The following CRACD variants were observed in gnomAD, a reference collection of about 807,000 sequenced individuals.
CRACD encodes the protein capping protein-inhibiting regulator of actin dynamics.
A neutral mutation model predicts 106.8 loss-of-function variants in CRACD; 56 were observed. The ratio of observed to expected loss-of-function variants is 0.52; its 90% CI spans 0.42 to 0.66. The LOEUF (loss-of-function observed/expected upper bound fraction) is 0.66. Ranked by LOEUF, CRACD falls within the 30% of genes least tolerant of loss-of-function variation. The pLI is 0.00. For synonymous variants in CRACD, 754 were observed against 670.8 expected, an observed-to-expected ratio of 1.12 and a Z score of -1.92; for missense variants, 1,730 against 1,623.2, an observed-to-expected ratio of 1.07 and a Z score of -1.13.
rs1173021427 is a variant in CRACD, at chr4:56,049,626, C to A, written c.-336+327C>A. Among the ~76,000 whole-genome samples the A allele has an allele frequency of 2.0e-5, 3 of 152,200 alleles. No homozygotes were observed. The East Asian group carries it at 5.8e-4, about 29-fold the overall frequency. ...TCTCCTCTTCCCGCGCCTCGCCATC[C>A]TGTCCCCAGGTCCCTGGCTCGGTCC... On this transcript the variant is annotated intron_variant, in intron 1 of 10. Coordinates refer to ENST00000682029, the MANE Select transcript of CRACD (RefSeq NM_001393381.1).
rs1027261277 is a variant in CRACD, at chr4:56,330,547, G to T, written c.*2743G>T. The stretch of plus-strand genomic sequence containing the variant: ...AATTTGCATATTTTAGTTGTATAAA[G>T]TTTTAATGTAAAATGTCCATTATTG... On this transcript the variant is annotated 3_prime_UTR_variant, in exon 11 of 11. Transcript: ENST00000682029. Among the ~76,000 whole-genome samples the T allele has an allele frequency of 6.6e-6, 1 of 152,090 alleles. No individual in the cohort carries two copies. The highest frequency in any genetic ancestry group is 1.5e-5 in the Non-Finnish European group (1 of 68,016).
intron 3 of CRACD, among the ~76,000 whole-genome samples, chr4:56,296,916 GTTTGT>G (rs1425076568): frequency 3.2e-5 from 4 of 123,532 alleles, no homozygotes; most frequent in African/African-American, 9.2e-5. Context: ...CTTTTTTTTT[GTTTGT>G]TTTTTTTTTT....
At chr4:56,077,572 C>A (rs763205777) in intron 1 of CRACD, among the ~76,000 whole-genome samples, 4 of 152,204 alleles carry the variant, frequency 2.6e-5, no homozygotes, top group Non-Finnish European at 5.9e-5. Context: ...GTTATGCAAA[C>A]AAATTTCTTC....
intron 3 of CRACD, among the ~76,000 whole-genome samples, chr4:56,286,990 A>T (rs745828518): frequency 2.6e-5 from 4 of 152,218 alleles, no homozygotes; most frequent in Non-Finnish European, 4.4e-5. Context: ...GCAATGACTC[A>T]TCCAGGCCTC....
chr4:56,282,194 G>T (rs1247532470), intron 3 of CRACD, among the ~76,000 whole-genome samples: 1 of 152,070 alleles, frequency 6.6e-6, no homozygotes. Context: ...AGCTGAAATG[G>T]GACTATAATT....
intron 2 of CRACD, among the ~76,000 whole-genome samples, chr4:56,214,381 T>C (rs534639088): frequency 1.3e-5 from 2 of 151,990 alleles, no homozygotes; most frequent in Admixed American, 1.3e-4. Flanking sequence ...GATCATGAGG[T>C]CAGGAGATCA....
In CRACD at chr4:56,098,836, G is replaced by A. The variant is rs371706529; in HGVS notation, c.-336+49537G>A. Among the ~76,000 whole-genome samples the A allele has an allele frequency of 2.3e-3, 352 of 152,108 alleles. 10 individuals are homozygous for A. In the South Asian group the frequency reaches 0.038, roughly 16 times the overall value. On this transcript the variant is annotated intron_variant, in intron 1 of 10. Transcript: ENST00000682029. ...CCTCCAGGTGTGCACCACCACGCCC[G>A]GCTAATTTTTGTATTTTTAGTAGAG... is the stretch of plus-strand genomic sequence containing the variant.
intron 2 of CRACD, among the ~76,000 whole-genome samples, chr4:56,188,029 A>C (rs1288979690): frequency 1.3e-5 from 2 of 152,190 alleles, no homozygotes; most frequent in Non-Finnish European, 2.9e-5. Context: ...GAAGAAGGCT[A>C]TCCTATGACT....
At chr4:56,105,203 A>G (rs1230480913) in intron 1 of CRACD, among the ~76,000 whole-genome samples, 1 of 152,180 alleles carries the variant, frequency 6.6e-6, no homozygotes, top group African/African-American at 2.4e-5. Context: ...ATTTTTAATG[A>G]AATAATGTTT....
At chr4:56,051,807 C>G (rs1027323389) in intron 1 of CRACD, among the ~76,000 whole-genome samples, 4 of 152,128 alleles carry the variant, frequency 2.6e-5, no homozygotes, top group Non-Finnish European at 5.9e-5. Context: ...CACAAGTTCT[C>G]GAGGCAGGTG....
chr4:56,141,635 CTGA>C (rs1560462476), intron 1 of CRACD, among the ~76,000 whole-genome samples: 1 of 147,694 alleles, frequency 6.8e-6, no homozygotes, highest in Non-Finnish European at 1.5e-5. Flanking sequence ...ACAAGAGATG[CTGA>C]ATATCTCATA....
At chr4:56,237,761 C>CAA (rs1206392755) in intron 2 of CRACD, among the ~76,000 whole-genome samples, 2 of 137,024 alleles carry the variant, frequency 1.5e-5, no homozygotes, top group Admixed American at 1.5e-4. Context: ...CACACACACA[C>CAA]AAACACATAC....
intron 2 of CRACD, 73 bp downstream of exon 2, chr4:56,179,503 G>C (rs1736721374): frequency 6.6e-6 from 1 of 152,188 alleles, no homozygotes; most frequent in African/African-American, 2.4e-5. Flanking sequence ...TTCATTTGTT[G>C]TAAGTGGGAT....
Position 56,328,004 on chromosome 4 carries a change from C to T in CRACD, c.*200C>T, listed in dbSNP as rs373343893. The T allele has an allele frequency of 6.1e-6, 3 of 494,078 alleles. No homozygotes were observed. Among genetic ancestry groups the T allele is most frequent in the African/African-American group, 3.9e-5 (2 of 51,814 alleles). 30.6% of individuals were successfully genotyped at this position (494,078 alleles called of 1,614,324 possible). ...TGCACAACCCTAGGTCCTGGTGCCT[C>T]GAGCTCCTCCTAGTTCTCAAGAGAA... On this transcript the variant is annotated 3_prime_UTR_variant, in exon 11 of 11. Coordinates refer to ENST00000682029, the MANE Select transcript of CRACD (RefSeq NM_001393381.1).
chr4:56,183,823 G>A (rs1381741252), intron 2 of CRACD, among the ~76,000 whole-genome samples: 2 of 152,194 alleles, frequency 1.3e-5, no homozygotes, highest in African/African-American at 4.8e-5. Context: ...GGTGTCATGT[G>A]AGCCTGGGCA....
At chr4:56,203,396 A>G (rs1737972527) in intron 2 of CRACD, among the ~76,000 whole-genome samples, 1 of 152,174 alleles carries the variant, frequency 6.6e-6, no homozygotes, top group Admixed American at 6.5e-5. Flanking sequence ...TACAGAGTTA[A>G]CCACCAGAAC....
At chr4:56,317,121 T>G (rs1745727144) in intron 8 of CRACD, among the ~76,000 whole-genome samples, 1 of 152,162 alleles carries the variant, frequency 6.6e-6, no homozygotes, top group Non-Finnish European at 1.5e-5. Flanking sequence ...ACTAGGGAAG[T>G]TTAATTCTGA....
chr4:56,063,229 T>TG (rs1042809842), intron 1 of CRACD, among the ~76,000 whole-genome samples: 1 of 152,096 alleles, frequency 6.6e-6, no homozygotes, highest in Non-Finnish European at 1.5e-5. Context: ...GGCCATGCTC[T>TG]GTTGCCCAGG....
At chr4:56,254,353 C>T (rs1449652849) in intron 2 of CRACD, among the ~76,000 whole-genome samples, 1 of 150,834 alleles carries the variant, frequency 6.6e-6, no homozygotes, top group African/African-American at 2.4e-5. Context: ...CTGAGACAGA[C>T]TATAGAATTT....
Sources: allele counts gnomAD v4.1 joint callset (sites outside exome capture counted in the v4.1 genomes callset), GRCh38; gene constraint gnomAD v4.1.1; transcripts MANE v1.5; gene names NCBI Gene and HGNC (gene_info 2026-07-23, HGNC 2026-07-21).